Variants in CPPED1 observed in about 807,000 individuals in gnomAD.
The protein encoded by CPPED1 is calcineurin like phosphoesterase domain containing 1, also known as serine/threonine-protein phosphatase CPPED1.
Under a neutral mutation model 28.0 loss-of-function variants are expected in CPPED1, and 28 were observed. The observed-to-expected ratio is 1.00, with a 90% CI of 0.74 to 1.37. The LOEUF is 1.37. Ranked by LOEUF, CPPED1 falls within the 40% of genes most tolerant of loss-of-function variation. CPPED1 has a pLI of 0.00. For missense variants in CPPED1, 504 were observed against 416.5 expected (o/e 1.21, Z -1.83); for synonymous variants, 198 against 180.2 (o/e 1.10, Z -0.79).
At chr16:12,674,696 G>A (rs1713470) in intron 3 of CPPED1, among the ~76,000 whole-genome samples, 110,561 of 152,020 alleles carry the variant, frequency 0.73, 44,207 homozygotes, top group Non-Finnish European at 0.92. Context: ...GCCCAGAGAA[G>A]TTAAGAAACA....
At chr16:12,776,348 T>C (rs184063422) in intron 2 of CPPED1, among the ~76,000 whole-genome samples, 19 of 152,310 alleles carry the variant, frequency 1.2e-4, no homozygotes, top group East Asian at 1.2e-3. Flanking sequence ...TCCACTAAGT[T>C]GGTGGTAATT....
intron 2 of CPPED1, among the ~76,000 whole-genome samples, chr16:12,744,570 C>T (rs116344790): frequency 0.012 from 1,894 of 152,196 alleles, 40 homozygotes; most frequent in African/African-American, 0.043. Flanking sequence ...GCCCTACAGG[C>T]GTCGGACTGC....
chr16:12,716,973 A>C (rs955524305), intron 2 of CPPED1, among the ~76,000 whole-genome samples: 13 of 152,124 alleles, frequency 8.5e-5, no homozygotes, highest in African/African-American at 2.9e-4. Context: ...GGCACCCCAG[A>C]GCTTTCCCAG....
intron 1 of CPPED1, among the ~76,000 whole-genome samples, chr16:12,793,138 C>G (rs1398985029): frequency 6.6e-6 from 1 of 152,226 alleles, no homozygotes; most frequent in East Asian, 1.9e-4. Context: ...GTGAGCAATG[C>G]TGATGGATCC....
At chr16:12,776,612 T>C (rs963180077) in intron 2 of CPPED1, among the ~76,000 whole-genome samples, 2 of 152,176 alleles carry the variant, frequency 1.3e-5, no homozygotes, top group African/African-American at 2.4e-5. Flanking sequence ...TTCTCTCTTG[T>C]CTGCTGCCAT....
chr16:12,706,315 G>C (rs1324658472), intron 2 of CPPED1, among the ~76,000 whole-genome samples: 2 of 151,712 alleles, frequency 1.3e-5, no homozygotes, highest in Non-Finnish European at 1.5e-5. Context: ...AAGCAGAGAG[G>C]GAGGGAGTCT....
chr16:12,729,836 G>C (rs2080188385), intron 2 of CPPED1, among the ~76,000 whole-genome samples: 1 of 152,160 alleles, frequency 6.6e-6, no homozygotes, highest in South Asian at 2.1e-4. Flanking sequence ...AAAGTACATG[G>C]ACAAGTAGCA....
intron 2 of CPPED1, 133 bp from the exon 3 acceptor site, chr16:12,705,182 T>C: frequency 1.0e-6 from 1 of 973,768 alleles, no homozygotes. Flanking sequence ...ACATGGAAAC[T>C]GCAAAATGCA....
At chr16:12,675,958 G>C (rs545937140) in intron 3 of CPPED1, among the ~76,000 whole-genome samples, 2 of 152,238 alleles carry the variant, frequency 1.3e-5, no homozygotes, top group Admixed American at 1.3e-4. Flanking sequence ...ATTCTGGCCA[G>C]GGGGCAAAGG....
chr16:12,678,732 AC>A (rs1292303541), intron 3 of CPPED1, among the ~76,000 whole-genome samples: 3 of 152,118 alleles, frequency 2.0e-5, no homozygotes, highest in Admixed American at 2.0e-4. Flanking sequence ...TTGTCTATTA[AC>A]CTTGTATCCT....
At chr16:12,692,865 C>T (rs968242023) in intron 3 of CPPED1, among the ~76,000 whole-genome samples, 4 of 152,182 alleles carry the variant, frequency 2.6e-5, no homozygotes, top group African/African-American at 7.2e-5. Flanking sequence ...CCTGGCAGGG[C>T]GGCCCCAGAG....
chr16:12,685,064 C>G lies in CPPED1; in HGVS notation c.715+19560G>C, dbSNP rs140071931. Among the ~76,000 whole-genome samples, 594 of 152,324 alleles carry G rather than the reference C, an allele frequency of 3.9e-3. 5 individuals carry two copies. Among genetic ancestry groups the G allele is most frequent in the African/African-American group, 0.013 (529 of 41,576 alleles). Reference sequence around the variant, plus strand: ...GAAACTGGAGACAGTGGAACGAGCACCGACTCTGGATCCTGTCTGTTACTT... The same window carrying G: ...GAAACTGGAGACAGTGGAACGAGCAGCGACTCTGGATCCTGTCTGTTACTT... On this transcript the variant is annotated intron_variant, in intron 3 of 3. Coordinates refer to ENST00000381774, the MANE Select transcript of CPPED1 (RefSeq NM_018340.3).
chr16:12,799,434 T>C (rs1470703320), intron 1 of CPPED1, among the ~76,000 whole-genome samples: 1 of 152,034 alleles, frequency 6.6e-6, no homozygotes, highest in Non-Finnish European at 1.5e-5. Flanking sequence ...TTAGTAGAGA[T>C]GGGGTTTCGC....
At chr16:12,673,405 C>G (rs2079862471) in intron 3 of CPPED1, among the ~76,000 whole-genome samples, 1 of 152,214 alleles carries the variant, frequency 6.6e-6, no homozygotes, top group Admixed American at 6.5e-5. Context: ...GCTCTTCATG[C>G]CTAACTCATA....
intron 3 of CPPED1, among the ~76,000 whole-genome samples, chr16:12,676,404 C>T (rs1039446805): frequency 3.9e-5 from 6 of 152,166 alleles, no homozygotes; most frequent in Non-Finnish European, 4.4e-5. Context: ...GCGTTTTATT[C>T]GCTGGACATC....
chr16:12,745,310 C>T (rs1176844877), intron 2 of CPPED1, among the ~76,000 whole-genome samples: 1 of 152,138 alleles, frequency 6.6e-6, no homozygotes, highest in Non-Finnish European at 1.5e-5. Context: ...CCCAGCAATC[C>T]CATTACCAGG....
At chr16:12,799,632 C>T (rs78045816) in intron 1 of CPPED1, among the ~76,000 whole-genome samples, 19,049 of 152,258 alleles carry the variant, frequency 0.13, 1,308 homozygotes, top group Middle Eastern at 0.17. Flanking sequence ...CCTCTGATGC[C>T]TCTAAGGGCA....
chr16:12,720,994 G>A (rs1360023016), intron 2 of CPPED1, among the ~76,000 whole-genome samples: 1 of 152,178 alleles, frequency 6.6e-6, no homozygotes, highest in African/African-American at 2.4e-5. Context: ...AGAAGCCACT[G>A]GTAAAGCCCT....
chr16:12,714,452 AT>A (rs1456912404), intron 2 of CPPED1, among the ~76,000 whole-genome samples: 1 of 152,120 alleles, frequency 6.6e-6, no homozygotes, highest in Admixed American at 6.6e-5. Context: ...AACACTTGTT[AT>A]TTTTCACCCT....
Sources: gnomAD v4.1 joint callset for allele counts (sites outside exome capture counted in the v4.1 genomes callset) on GRCh38, gnomAD v4.1.1 for gene constraint, MANE v1.5 for transcripts, NCBI Gene and HGNC (gene_info 2026-07-23, HGNC 2026-07-21) for gene names.